VWA8: variants seen among roughly 807,000 people sequenced by gnomAD.
The protein encoded by VWA8 is von Willebrand factor A domain-containing protein 8.
In VWA8, 221 loss-of-function variants were observed where a neutral mutation model predicts 241.5. That is an observed-to-expected ratio of 0.91 (90% confidence interval 0.82 to 1.02). The LOEUF (loss-of-function observed/expected upper bound fraction) is 1.02, where lower values mean the gene tolerates loss of function less well. Among genes scored for constraint, VWA8 ranks in the 50% least tolerant of loss-of-function variants. The pLI is 0.00. For missense variants in VWA8, 2,322 were observed against 2,328.7 expected, an observed-to-expected ratio of 1.00 and a Z score of 0.06; for synonymous variants, 852 against 827.1, an observed-to-expected ratio of 1.03 and a Z score of -0.52.
At chr13:41,911,007 G>C (rs1435655249) in intron 3 of VWA8, among the ~76,000 whole-genome samples, 1 of 151,960 alleles carries the variant, frequency 6.6e-6, no homozygotes, top group Non-Finnish European at 1.5e-5. Flanking sequence ...TTAATCATTA[G>C]GGTAATGCCT....
At chr13:41,677,964 C>G (rs115472660) in intron 35 of VWA8, among the ~76,000 whole-genome samples, 106 of 152,286 alleles carry the variant, frequency 7.0e-4, no homozygotes, top group African/African-American at 2.5e-3. Flanking sequence ...AGCTGAAAAA[C>G]TCGACATATC....
intron 30 of VWA8, 137 bp from the exon 31 acceptor site, chr13:41,692,075 T>A (rs1205919756): frequency 3.3e-6 from 2 of 603,262 alleles, no homozygotes; most frequent in Non-Finnish European, 6.0e-6. Context: ...TATCTATTTA[T>A]CTGCTCTAAG....
intron 37 of VWA8, among the ~76,000 whole-genome samples, chr13:41,627,805 T>C (rs1180405793): frequency 6.6e-6 from 1 of 151,892 alleles, no homozygotes; most frequent in Non-Finnish European, 1.5e-5. Flanking sequence ...TGATCCCCAA[T>C]AGGTAAAGAC....
intron 26 of VWA8, among the ~76,000 whole-genome samples, chr13:41,718,325 T>C (rs2045360168): frequency 6.6e-6 from 1 of 151,858 alleles, no homozygotes; most frequent in Non-Finnish European, 1.5e-5. Context: ...TTAAAGAGGA[T>C]CTCTTGAACT....
chr13:41,727,356 T>C (rs1468917730), intron 23 of VWA8, 43 bp from the exon 24 acceptor site: 1 of 1,210,816 alleles, frequency 8.3e-7, no homozygotes, highest in Non-Finnish European at 1.1e-6. Context: ...TATTTAATAA[T>C]TCTTAAAAAT....
intron 36 of VWA8, among the ~76,000 whole-genome samples, chr13:41,672,654 C>T (rs1464063930): frequency 1.3e-5 from 2 of 152,014 alleles, no homozygotes; most frequent in Admixed American, 6.6e-5. Flanking sequence ...GTGACAAGGG[C>T]GGCCACTCTT....
intron 17 of VWA8, among the ~76,000 whole-genome samples, chr13:41,794,536 G>A (rs1310730731): frequency 3.9e-5 from 6 of 152,208 alleles, no homozygotes; most frequent in Non-Finnish European, 8.8e-5. Context: ...CTTTTGGGCT[G>A]AGACAATGGG....
Position 41,868,381 on chromosome 13 carries a change from T to G in VWA8, c.1177A>C (p.Thr393Pro), listed in dbSNP as rs775480070. The G allele has an allele frequency of 6.2e-7, 1 of 1,614,144 alleles. No individual in the cohort carries two copies. The highest frequency in any genetic ancestry group is 1.1e-5 in the South Asian group (1 of 91,078). The change falls in exon 10 of 45, where the codon ACC becomes CCC. Residue 393 changes from threonine (T) to proline (P), a missense_variant. Thr to Pro is a conservative substitution (Grantham distance 38, BLOSUM62 -1). Transcript: ENST00000379310. ...MENHVSQASVTIRIADKEVTI... is the reference protein window; with the variant it reads ...MENHVSQASVPIRIADKEVTI... ...ACCTCTTTATCTGCAATCCGGATGG[T>G]CACAGAAGCTTGGGACACATGGTTT... is the stretch of plus-strand genomic sequence containing the variant.
intron 21 of VWA8, among the ~76,000 whole-genome samples, chr13:41,748,781 C>G (rs35151579): frequency 3.7e-3 from 557 of 152,188 alleles, no homozygotes; most frequent in South Asian, 0.015. Flanking sequence ...TTTAATAAAT[C>G]GTGCTGGGAA....
At position 41,891,412 on chromosome 13, in the gene VWA8, T is replaced by G. The variant is rs763351087; in HGVS notation, c.651+8A>C. On this transcript the variant is annotated splice_region_variant and intron_variant, in intron 5 of 44. Transcript: ENST00000379310. ...CAAAGACAAAGCAACAGGATTTTCTTTTCTTACTCGGAGAAGTTTGTCGTA... is the reference window on the plus strand; with the variant it reads ...CAAAGACAAAGCAACAGGATTTTCTGTTCTTACTCGGAGAAGTTTGTCGTA... 1.2e-5 allele frequency: 19 copies of G among 1,613,922 alleles called. No homozygotes were observed. The highest frequency in any genetic ancestry group is 1.5e-5 in the Non-Finnish European group (18 of 1,179,970).
chr13:41,805,684 C>A (rs1870159010), intron 17 of VWA8, among the ~76,000 whole-genome samples: 2 of 151,960 alleles, frequency 1.3e-5, no homozygotes, highest in Non-Finnish European at 2.9e-5. Context: ...CATGGTGGTG[C>A]ACGCCTGTAA....
intron 37 of VWA8, among the ~76,000 whole-genome samples, chr13:41,630,219 T>A (rs1258696842): frequency 6.6e-6 from 1 of 152,080 alleles, no homozygotes; most frequent in Admixed American, 6.5e-5. Context: ...CCATGGTTTG[T>A]CTTGCAGAAG....
At chr13:41,933,160 A>T (rs186521775) in intron 2 of VWA8, among the ~76,000 whole-genome samples, 1 of 152,048 alleles carries the variant, frequency 6.6e-6, no homozygotes, top group East Asian at 1.9e-4. Flanking sequence ...CAAGATTAGT[A>T]TACAAAAATC....
intron 28 of VWA8, among the ~76,000 whole-genome samples, chr13:41,700,008 A>G (rs981461800): frequency 6.6e-6 from 1 of 152,142 alleles, no homozygotes; most frequent in Non-Finnish European, 1.5e-5. Context: ...CTGGTTTGAG[A>G]TCCTCCCTTT....
At chr13:41,885,882 A>G (rs551361679) in intron 8 of VWA8, 38 bp downstream of exon 8, 2 of 1,437,616 alleles carry the variant, frequency 1.4e-6, no homozygotes, top group South Asian at 1.3e-5. Context: ...AATTTTTAAC[A>G]TATTTGGGTA....
chr13:41,839,229 G>T lies in VWA8; in HGVS notation c.1426-5698C>A, dbSNP rs539868669. ...TAGTATCTCATTGTGGTTTTGATTTGCATTTCTGTAATGACCGGTGATGAT... is the reference window on the plus strand; with the variant it reads ...TAGTATCTCATTGTGGTTTTGATTTTCATTTCTGTAATGACCGGTGATGAT... On this transcript the variant is annotated intron_variant, in intron 12 of 44. Coordinates refer to ENST00000379310, the MANE Select transcript of VWA8 (RefSeq NM_015058.2). Among the ~76,000 whole-genome samples, 79 of 152,248 alleles carry T rather than the reference G, an allele frequency of 5.2e-4. 3 individuals are homozygous for T. In the South Asian group the frequency reaches 7.3e-3, roughly 14 times the overall value.
intron 29 of VWA8, among the ~76,000 whole-genome samples, chr13:41,698,037 T>C (rs2045226512): frequency 6.6e-6 from 1 of 152,154 alleles, no homozygotes; most frequent in Non-Finnish European, 1.5e-5. Flanking sequence ...TCTAAAATCT[T>C]TGTTTAAATA....
chr13:41,842,534 A>C (rs1282346178), intron 12 of VWA8, among the ~76,000 whole-genome samples: 7 of 152,208 alleles, frequency 4.6e-5, no homozygotes, highest in Non-Finnish European at 8.8e-5. Context: ...CTATTTCAAG[A>C]TGATCTGCTT....
At position 41,885,903 on chromosome 13, in the gene VWA8, TAA is replaced by T; in HGVS notation, c.975+15_975+16del. 6.5e-7 allele frequency: 1 copy of T among 1,538,500 alleles called. No individual in the cohort carries two copies. Among genetic ancestry groups the T allele is most frequent in the East Asian group, 2.3e-5 (1 of 43,938 alleles). On this transcript the variant is annotated intron_variant, in intron 8 of 44. Transcript: ENST00000379310. The stretch of plus-strand genomic sequence containing the variant: ...TAACATATTTGGGTATGCCAGTCAT[TAA>T]TTTATTTTACTTACCAAGATTTGAA...
Sources: allele counts gnomAD v4.1 joint callset (sites outside exome capture counted in the v4.1 genomes callset), GRCh38; gene constraint gnomAD v4.1.1; transcripts MANE v1.5; gene names NCBI Gene and HGNC (gene_info 2026-07-23, HGNC 2026-07-21).